Variants in DPYD observed in about 807,000 individuals in gnomAD.
DPYD encodes the protein dihydropyrimidine dehydrogenase.
Under a neutral mutation model 116.2 loss-of-function variants are expected in DPYD, and 109 were observed. The ratio of observed to expected loss-of-function variants is 0.94; its 90% CI spans 0.80 to 1.10. The LOEUF (loss-of-function observed/expected upper bound fraction) is 1.10. DPYD is among the 50% of genes least tolerant of loss of function. DPYD has a pLI of 0.00. For missense variants in DPYD, 1,302 were observed against 1,254.5 expected, an observed-to-expected ratio of 1.04 and a Z score of -0.57; for synonymous variants, 440 against 432.0, an observed-to-expected ratio of 1.02 and a Z score of -0.23.
chr1:97,208,794 G>A (rs1557939951), intron 19 of DPYD, among the ~76,000 whole-genome samples: 3 of 152,092 alleles, frequency 2.0e-5, no homozygotes, highest in Non-Finnish European at 4.4e-5. Context: ...AACTTTCCAT[G>A]CAGAGCTGTT....
chr1:97,230,218 G>A (rs1661491703), intron 19 of DPYD, among the ~76,000 whole-genome samples: 1 of 152,116 alleles, frequency 6.6e-6, no homozygotes, highest in South Asian at 2.1e-4. Context: ...CAATAGCAAA[G>A]ACATGGAATC....
At chr1:97,393,670 C>T (rs1266801407) in intron 14 of DPYD, among the ~76,000 whole-genome samples, 2 of 152,106 alleles carry the variant, frequency 1.3e-5, no homozygotes, top group Admixed American at 1.3e-4. Context: ...ATATGTTCCA[C>T]ATTTTCTTAA....
chr1:97,181,879 A>ATTTCTC lies in DPYD; in HGVS notation c.2622+11184_2622+11189dup, dbSNP rs149352724. Among the ~76,000 whole-genome samples, 919 of 152,168 alleles carry ATTTCTC rather than the reference A, an allele frequency of 6.0e-3. 10 individuals carry two copies. The highest frequency in any genetic ancestry group is 0.051 in the East Asian group (261 of 5,168). ...ACATGCTATACACTTTAGATAGAGG[A>ATTTCTC]TTTCTCTTTTTTATCACAGAAGACT... On this transcript the variant is annotated intron_variant, in intron 20 of 22. Coordinates refer to ENST00000370192, the MANE Select transcript of DPYD (RefSeq NM_000110.4).
intron 8 of DPYD, among the ~76,000 whole-genome samples, chr1:97,625,448 T>C (rs12068789): frequency 0.023 from 3,451 of 152,060 alleles, 134 homozygotes; most frequent in African/African-American, 0.079. Flanking sequence ...AGATGATATA[T>C]CAATGGGTAA....
intron 18 of DPYD, among the ~76,000 whole-genome samples, chr1:97,300,164 C>T (rs1666774440): frequency 6.6e-6 from 1 of 151,992 alleles, no homozygotes. Context: ...AGGTGAATAA[C>T]AGGCCAGATT....
chr1:97,600,095 G>A (rs575181263), intron 8 of DPYD, among the ~76,000 whole-genome samples: 19 of 151,708 alleles, frequency 1.3e-4, no homozygotes, highest in Non-Finnish European at 2.4e-4. Flanking sequence ...CTAGTATACT[G>A]AACTCTACAG....
chr1:97,459,952 C>T (rs924858471), intron 13 of DPYD, among the ~76,000 whole-genome samples: 1 of 151,944 alleles, frequency 6.6e-6, no homozygotes, highest in Non-Finnish European at 1.5e-5. Flanking sequence ...ATCATAAAAT[C>T]TAAAATAGTC....
At position 97,515,740 on chromosome 1, in the gene DPYD, A is replaced by G. The variant is rs747627716; in HGVS notation, c.1726T>C (p.Phe576Leu). 6.2e-7 allele frequency: 1 copy of G among 1,612,626 alleles called. No individual in the cohort carries two copies. The highest frequency in any genetic ancestry group is 8.5e-7 in the Non-Finnish European group (1 of 1,179,072). The part of the protein sequence containing the change: ...AGWGFALTKT[F>L]SLDKDIVTNV... ...TATTTTCTTACCTTATCAAGAGAGA[A>G]AGTTTTGGTGAGGGCAAAACCCCAT... Residue 576 changes from phenylalanine (F) to leucine (L), a missense_variant, in exon 13 of 23, where the codon TTC becomes CTC. By Grantham distance (22) the Phe-to-Leu change is conservative. Transcript: ENST00000370192.
chr1:97,487,551 T>C (rs994598569), intron 13 of DPYD, among the ~76,000 whole-genome samples: 8 of 151,850 alleles, frequency 5.3e-5, no homozygotes, highest in Non-Finnish European at 4.4e-5. Context: ...CGGGCACCTG[T>C]AGTCCCAGCT....
At chr1:97,349,147 G>C (rs896179269) in intron 16 of DPYD, among the ~76,000 whole-genome samples, 3 of 152,058 alleles carry the variant, frequency 2.0e-5, no homozygotes, top group Admixed American at 1.3e-4. Context: ...TAGAAAGTAC[G>C]AATAATAGTA....
At chr1:97,863,501 T>G (rs915728924) in intron 2 of DPYD, among the ~76,000 whole-genome samples, 6 of 151,816 alleles carry the variant, frequency 4.0e-5, no homozygotes, top group African/African-American at 1.5e-4. Flanking sequence ...TGGTAAAGAC[T>G]CAGAAGTAGT....
intron 13 of DPYD, among the ~76,000 whole-genome samples, chr1:97,493,621 T>C (rs1398125208): frequency 1.3e-5 from 2 of 151,018 alleles, no homozygotes; most frequent in African/African-American, 4.8e-5. Context: ...GAGGGAAGAC[T>C]AGGGAGGTGG....
intron 18 of DPYD, among the ~76,000 whole-genome samples, chr1:97,280,791 A>G (rs540854720): frequency 6.6e-6 from 1 of 152,278 alleles, no homozygotes; most frequent in African/African-American, 2.4e-5. Flanking sequence ...ACAAAGTTAT[A>G]GTTAGGAAGA....
chr1:97,466,594 C>A (rs1427783812), intron 13 of DPYD, among the ~76,000 whole-genome samples: 1 of 151,750 alleles, frequency 6.6e-6, no homozygotes, highest in East Asian at 1.9e-4. Context: ...TTTAAACATG[C>A]AATAAAATTT....
chr1:97,493,688 G>T (rs187003012), intron 13 of DPYD, among the ~76,000 whole-genome samples: 4 of 152,214 alleles, frequency 2.6e-5, no homozygotes, highest in Admixed American at 2.6e-4. Flanking sequence ...TGAGCTATGG[G>T]ACTCAAAAGG....
intron 16 of DPYD, among the ~76,000 whole-genome samples, chr1:97,319,348 GA>G (rs770323407): frequency 0.012 from 1,716 of 146,864 alleles, 24 homozygotes; most frequent in Middle Eastern, 0.021. Flanking sequence ...GACTAATAAA[GA>G]AAAAAAGAGA....
At chr1:97,693,209 T>C (rs1157841917) in intron 6 of DPYD, among the ~76,000 whole-genome samples, 1 of 139,254 alleles carries the variant, frequency 7.2e-6, no homozygotes, top group Non-Finnish European at 1.5e-5. Context: ...GAGAATAGTG[T>C]GAACCCGGGA....
chr1:97,160,071 G>T (rs1655777402), intron 20 of DPYD, among the ~76,000 whole-genome samples: 1 of 151,800 alleles, frequency 6.6e-6, no homozygotes, highest in South Asian at 2.1e-4. Flanking sequence ...TTACTGTTTG[G>T]GTCAAGAGTC....
At chr1:97,804,626 A>C (rs1341182676) in intron 3 of DPYD, among the ~76,000 whole-genome samples, 1 of 151,892 alleles carries the variant, frequency 6.6e-6, no homozygotes, top group East Asian at 1.9e-4. Flanking sequence ...TAGCATACTC[A>C]ATGATACAGA....
Sources: gnomAD v4.1 joint callset for allele counts (sites outside exome capture counted in the v4.1 genomes callset) on GRCh38, gnomAD v4.1.1 for gene constraint, MANE v1.5 for transcripts, NCBI Gene and HGNC (gene_info 2026-07-23, HGNC 2026-07-21) for gene names.